The following PGAM5 variants were observed in gnomAD, a reference collection of about 807,000 sequenced individuals.
PGAM5 encodes PGAM family member 5, mitochondrial serine/threonine protein phosphatase, also known as serine/threonine-protein phosphatase PGAM5, mitochondrial.
A neutral mutation model predicts 30.6 loss-of-function variants in PGAM5; 25 were observed. That is an observed-to-expected ratio of 0.82 (90% CI 0.60 to 1.14). The LOEUF is 1.14. Among genes scored for constraint, PGAM5 ranks in the 50% most tolerant of loss-of-function variants. PGAM5 has a pLI of 0.00. For missense variants in PGAM5, 384 were observed against 408.5 expected (o/e 0.94, Z 0.52); for synonymous variants, 201 against 179.1 (o/e 1.12, Z -0.98).
intron 2 of PGAM5, among the ~76,000 whole-genome samples, chr12:132,716,688 A>G (rs1016608336): frequency 6.6e-6 from 1 of 152,206 alleles, no homozygotes; most frequent in Non-Finnish European, 1.5e-5. Context: ...ATGCCTGCCT[A>G]GAGAAGGAAA....
chr12:132,715,309 G>A (rs1325581052), intron 2 of PGAM5, among the ~76,000 whole-genome samples: 1 of 152,182 alleles, frequency 6.6e-6, no homozygotes. Context: ...GGTGGCTCAC[G>A]CCTGTAATCC....
chr12:132,720,924 A>C lies in PGAM5; in HGVS notation c.*96A>C. 1 of 1,387,448 alleles carries C rather than the reference A, an allele frequency of 7.2e-7. No individual in the cohort carries two copies. The highest frequency in any genetic ancestry group is 9.6e-7 in the Non-Finnish European group (1 of 1,045,024). The allele number at this position is 1,387,448 out of a possible 1,614,324, so 85.9% of individuals were successfully genotyped here. On this transcript the variant is annotated 3_prime_UTR_variant, in exon 6 of 6. Transcript: ENST00000498926. ...AGACCGGCGGAAAGTAGAAACCTGCAATGCTGCATCTGGGAACTGACTTGT... is the reference window on the plus strand; with the variant it reads ...AGACCGGCGGAAAGTAGAAACCTGCCATGCTGCATCTGGGAACTGACTTGT...
rs75348823 is a variant in PGAM5, at chr12:132,718,641, T to G, written c.719+521T>G. The stretch of plus-strand genomic sequence containing the variant: ...GGGGTGCGTGCTGGGTGGGGGGTCC[T>G]GGGTACGGTGCATGCTGGGCGTCCG... On this transcript the variant is annotated intron_variant, in intron 5 of 5. Coordinates refer to ENST00000498926, the MANE Select transcript of PGAM5 (RefSeq NM_001170543.2). The G allele has an allele frequency of 4.3e-4, 456 of 1,060,310 alleles. 15 individuals carry two copies. The African/African-American group carries it at 6.4e-3, about 15-fold the overall frequency. The allele number at this position is 1,060,310 out of a possible 1,614,324, so 65.7% of individuals were successfully genotyped here.
At position 132,710,954 on chromosome 12, in the gene PGAM5, G is replaced by T; in HGVS notation, c.78G>T (p.Val26=). The change falls in exon 1 of 6, where the codon GTG becomes GTT. Residue 26 remains valine (V), a synonymous_variant. Transcript: ENST00000498926. ...GGSAAVLFSA[V]AVGKPRAGGD... ...CGGCCGCCGTGCTCTTCTCGGCCGT[G>T]GCGGTAGGGAAGCCGCGCGCAGGCG... 8.5e-7 allele frequency: 1 copy of T among 1,182,852 alleles called. No individual in the cohort carries two copies. The highest frequency in any genetic ancestry group is 1.0e-6 in the Non-Finnish European group (1 of 957,242). The allele number at this position is 1,182,852 out of a possible 1,614,324, so 73.3% of individuals were successfully genotyped here. A position where few individuals can be genotyped will look rare whatever the true frequency, so the allele number is the denominator to read the frequency against.
chr12:132,716,040 C>T (rs757307240), intron 2 of PGAM5, among the ~76,000 whole-genome samples: 4 of 152,028 alleles, frequency 2.6e-5, no homozygotes, highest in South Asian at 2.1e-4. Context: ...CTGCCAAAGA[C>T]GCTTCTCTGC....
chr12:132,718,824 C>G (rs1184946492), intron 5 of PGAM5: 1 of 1,613,470 alleles, frequency 6.2e-7, no homozygotes, highest in African/African-American at 1.3e-5. Flanking sequence ...CTTTCACTTG[C>G]TGATCTGTGG....
chr12:132,713,064 G>A (rs1187480661), intron 1 of PGAM5, among the ~76,000 whole-genome samples: 4 of 152,114 alleles, frequency 2.6e-5, no homozygotes, highest in Non-Finnish European at 5.9e-5. Context: ...GGAGGCTGAG[G>A]CAGGACAATC....
At chr12:132,717,596 C>T in intron 3 of PGAM5, 32 bp downstream of exon 3, 1 of 1,606,838 alleles carries the variant, frequency 6.2e-7, no homozygotes. Context: ...TCCATGCTTG[C>T]AGCAGTGGGC....
intron 1 of PGAM5, among the ~76,000 whole-genome samples, chr12:132,713,792 T>G (rs542033090): frequency 6.6e-6 from 1 of 152,024 alleles, no homozygotes; most frequent in African/African-American, 2.4e-5. Context: ...CTCAGCCTCC[T>G]GAGTAGCCGG....
rs2043598886 is a variant in PGAM5 at position 132,717,908 on chromosome 12, G to A, written c.586-79G>A. 8.1e-6 allele frequency: 13 copies of A among 1,600,350 alleles called. No homozygotes were observed. In the Admixed American group the frequency reaches 8.4e-5, roughly 10 times the overall value. On this transcript the variant is annotated intron_variant, in intron 4 of 5. Transcript: ENST00000498926. The stretch of plus-strand genomic sequence containing the variant: ...CCCGGCCGTCCCACGGGCTTCCCCG[G>A]GCGGCGATGGGGTCTGTCCTCCTGA...
At position 132,715,017 on chromosome 12, in the gene PGAM5, C is replaced by T. The variant is rs749280792; in HGVS notation, c.351C>T (p.Asp117=). The part of the protein sequence containing the change: ...QYHVDGSLEK[D]RTLTPLGREQ... Reference sequence around the variant, plus strand: ...ACGTGGATGGCTCCCTGGAGAAGGACCGCACTCTGACCCCGCTGGGTATGT... The same window carrying T: ...ACGTGGATGGCTCCCTGGAGAAGGATCGCACTCTGACCCCGCTGGGTATGT... The change falls in exon 2 of 6, where the codon GAC becomes GAT. Residue 117 remains aspartate, a synonymous_variant. Transcript: ENST00000498926. The T allele has an allele frequency of 1.2e-6, 2 of 1,612,484 alleles. No individual in the cohort carries two copies. The highest frequency in any genetic ancestry group is 2.2e-5 in the South Asian group (2 of 91,000).
At position 132,720,784 on chromosome 12, in the gene PGAM5, G is replaced by T; in HGVS notation, c.826G>T (p.Gly276Trp). The T allele has an allele frequency of 6.5e-7, 1 of 1,536,352 alleles. No homozygotes were observed. Among genetic ancestry groups the T allele is most frequent in the Non-Finnish European group, 8.7e-7 (1 of 1,146,846 alleles). ...PNGRVALRTL[G>W]DTGFMPPDKI... ...CGGCCGAGTTGCGCTCAGGACCCTC[G>T]GGGACACGGGGTTCATGCCTCCCGA... Residue 276 changes from glycine to tryptophan, a missense_variant, in exon 6 of 6, where the codon GGG (glycine) becomes TGG (tryptophan). Physicochemically the swap from Gly to Trp is radical, Grantham distance 184. Transcript: ENST00000498926.
chr12:132,718,665 C>T lies in PGAM5; in HGVS notation c.719+545C>T, dbSNP rs373234086. 7.0e-5 allele frequency: 95 copies of T among 1,350,016 alleles called. 2 individuals are homozygous for T. The highest frequency in any genetic ancestry group is 5.4e-4 in the Middle Eastern group (3 of 5,590). The allele number at this position is 1,350,016 out of a possible 1,614,324, so 83.6% of individuals were successfully genotyped here. A position where few individuals can be genotyped will look rare whatever the true frequency, so the allele number is the denominator to read the frequency against. On this transcript the variant is annotated intron_variant, in intron 5 of 5. Coordinates refer to ENST00000498926, the MANE Select transcript of PGAM5 (RefSeq NM_001170543.2). ...CTGGGTACGGTGCATGCTGGGCGTCCGCACTGCCCTGGTTGTTTTCCCTTT... is the reference window on the plus strand; with the variant it reads ...CTGGGTACGGTGCATGCTGGGCGTCTGCACTGCCCTGGTTGTTTTCCCTTT...
rs1404350522 is a variant in PGAM5 at position 132,721,044 on chromosome 12, T to C, written c.*216T>C. ...TGAACCCCCAGGATGGCGTGGGGTT[T>C]AAGGTGAAAGCGTCTCACGCACAAG... On this transcript the variant is annotated 3_prime_UTR_variant, in exon 6 of 6. Transcript: ENST00000498926. 3.7e-6 allele frequency: 2 copies of C among 542,400 alleles called. No individual in the cohort carries two copies. Among genetic ancestry groups the C allele is most frequent in the African/African-American group, 3.8e-5 (2 of 52,398 alleles). 33.6% of individuals were successfully genotyped at this position (542,400 alleles called of 1,614,324 possible). A position where few individuals can be genotyped will look rare whatever the true frequency, so the allele number is the denominator to read the frequency against.
intron 5 of PGAM5, chr12:132,719,274 G>C (rs1352590656): frequency 4.7e-6 from 5 of 1,063,462 alleles, no homozygotes; most frequent in Non-Finnish European, 5.7e-6. Flanking sequence ...GACGGCACTG[G>C]TCAGTGATGC....
chr12:132,711,124 C>G, intron 1 of PGAM5, 57 bp downstream of exon 1: 2 of 1,157,062 alleles, frequency 1.7e-6, no homozygotes, highest in Non-Finnish European at 1.1e-6. Context: ...CAGGTGTTAC[C>G]GTTGGGATCG....
chr12:132,720,133 C>CATCGATTCACGTCGATCCCAGT (rs1566001307), intron 5 of PGAM5, among the ~76,000 whole-genome samples: 56 of 33,394 alleles, frequency 1.7e-3, no homozygotes, highest in African/African-American at 3.8e-3. Flanking sequence ...TCGATCCCAG[C>CATCGATTCACGTCGATCCCAGT]CAGATCTTCC....
At chr12:132,719,307 T>G in intron 5 of PGAM5, 14 of 987,270 alleles carry the variant, frequency 1.4e-5, no homozygotes, top group Non-Finnish European at 1.7e-5. Context: ...GGCCCTGGTC[T>G]CTGCCCGTCT....
chr12:132,718,938 G>C, intron 5 of PGAM5: 1 of 1,542,812 alleles, frequency 6.5e-7, no homozygotes, highest in South Asian at 1.2e-5. Flanking sequence ...CCCTCGGGGG[G>C]CCCTTGTCCC....
Sources: allele counts gnomAD v4.1 joint callset (sites outside exome capture counted in the v4.1 genomes callset), GRCh38; gene constraint gnomAD v4.1.1; transcripts MANE v1.5; gene names NCBI Gene and HGNC (gene_info 2026-07-23, HGNC 2026-07-21).